Variants in RAD52 observed in about 807,000 individuals in gnomAD.
RAD52 encodes the protein DNA repair protein RAD52 homolog.
In RAD52, 47 loss-of-function variants were observed where a neutral mutation model predicts 55.5. That is an observed-to-expected ratio of 0.85 (90% confidence interval 0.67 to 1.08). RAD52 has a LOEUF of 1.08. Among genes scored for constraint, RAD52 ranks in the 50% least tolerant of loss-of-function variants. RAD52 has a pLI of 0.00. For synonymous variants in RAD52, 184 were observed against 198.9 expected (o/e 0.92, Z 0.63); for missense variants, 468 against 522.8 (o/e 0.90, Z 1.02).
At chr12:970,340 A>AAAAAT in intron 1 of RAD52, among the ~76,000 whole-genome samples, 1 of 151,242 alleles carries the variant, frequency 6.6e-6, no homozygotes, top group Non-Finnish European at 1.5e-5. Flanking sequence ...AAAAAAAAAA[A>AAAAAT]AGTCATAATT....
At chr12:981,309 G>C (rs1318320238) in intron 1 of RAD52, among the ~76,000 whole-genome samples, 2 of 152,072 alleles carry the variant, frequency 1.3e-5, no homozygotes, top group African/African-American at 2.4e-5. Context: ...CTCCAGCCTG[G>C]GTGACAGAGT....
chr12:942,539 G>T (rs1957973867), intron 1 of RAD52, among the ~76,000 whole-genome samples: 1 of 152,146 alleles, frequency 6.6e-6, no homozygotes, highest in African/African-American at 2.4e-5. Flanking sequence ...ACAAGGTCAA[G>T]AGTTCAAGAC....
chr12:928,898 C>CT (rs1210376490), intron 5 of RAD52, among the ~76,000 whole-genome samples: 2 of 152,158 alleles, frequency 1.3e-5, no homozygotes, highest in Non-Finnish European at 2.9e-5. Flanking sequence ...TAAAACTTTT[C>CT]TTTTTTTCCA....
At chr12:989,617 AT>A (rs1959150944) in intron 1 of RAD52, among the ~76,000 whole-genome samples, 1 of 152,250 alleles carries the variant, frequency 6.6e-6, no homozygotes, top group Non-Finnish European at 1.5e-5. Context: ...CGTGTATAAC[AT>A]AGCGCTTAGC....
At chr12:990,853 C>T (rs2154122957), upstream of RAD52, among the ~76,000 whole-genome samples, 1 of 152,056 alleles carries the variant, frequency 6.6e-6, no homozygotes, top group African/African-American at 2.4e-5. Context: ...CGTCCACTTC[C>T]TACGGCAAGC....
rs541422001 is a variant in RAD52, at chr12:918,733, G to T, written c.544-1913C>A. Among the ~76,000 whole-genome samples the T allele has an allele frequency of 4.6e-5, 7 of 152,044 alleles. No individual in the cohort carries two copies. In the East Asian group the frequency reaches 9.7e-4, roughly 21 times the overall value. The stretch of plus-strand genomic sequence containing the variant: ...CAATCTGTGTTGTTAAAAGCGGTTT[G>T]CTCAGAGTGGGAAGGAGGGCAGGGG... On this transcript the variant is annotated intron_variant, in intron 7 of 11. Coordinates refer to ENST00000358495, the MANE Select transcript of RAD52 (RefSeq NM_134424.4).
chr12:947,309 A>G (rs1958285701), intron 1 of RAD52, among the ~76,000 whole-genome samples: 1 of 143,598 alleles, frequency 7.0e-6, no homozygotes, highest in Non-Finnish European at 1.5e-5. Flanking sequence ...CTGGGCAACA[A>G]GAGCGAAACT....
chr12:933,734 C>T (rs1957460595), intron 1 of RAD52, among the ~76,000 whole-genome samples: 1 of 151,996 alleles, frequency 6.6e-6, no homozygotes, highest in Non-Finnish European at 1.5e-5. Context: ...AAAAAATGTA[C>T]TATAGGTGGA....
intron 7 of RAD52, among the ~76,000 whole-genome samples, chr12:921,420 A>G (rs951417498): frequency 1.3e-5 from 2 of 152,158 alleles, no homozygotes; most frequent in African/African-American, 4.8e-5. Context: ...CAGCCTGGGC[A>G]ACACGGTAAA....
intron 1 of RAD52, among the ~76,000 whole-genome samples, chr12:972,856 G>A (rs999493292): frequency 6.6e-6 from 1 of 151,906 alleles, no homozygotes; most frequent in African/African-American, 2.4e-5. Context: ...GGGGCAACTG[G>A]AGCAGAATGA....
At position 913,063 on chromosome 12, in the gene RAD52, A is replaced by ATC. The variant is rs1956181147; in HGVS notation, c.*327_*328insGA. 1 of 208,182 alleles carries ATC rather than the reference A, an allele frequency of 4.8e-6. No homozygotes were observed. Among genetic ancestry groups the ATC allele is most frequent in the Admixed American group, 8.8e-5 (1 of 11,310 alleles). The allele number at this position is 208,182 out of a possible 1,614,324, so 12.9% of individuals were successfully genotyped here. A position where few individuals can be genotyped will look rare whatever the true frequency, so the allele number is the denominator to read the frequency against. Reference sequence around the variant, plus strand: ...GACCAAGTCTGGCCTATATTGCTTGAGGGCAAGGAGCCATTGGTGATTCCT... The same window carrying ATC: ...GACCAAGTCTGGCCTATATTGCTTGATCGGGCAAGGAGCCATTGGTGATTCCT... On this transcript the variant is annotated 3_prime_UTR_variant, in exon 12 of 12. Coordinates refer to ENST00000358495, the MANE Select transcript of RAD52 (RefSeq NM_134424.4).
At chr12:965,941 C>T (rs1027030359) in intron 1 of RAD52, among the ~76,000 whole-genome samples, 2 of 151,942 alleles carry the variant, frequency 1.3e-5, no homozygotes, top group African/African-American at 2.4e-5. Flanking sequence ...GCCTTGGCCT[C>T]CCAAAGTGCT....
intron 1 of RAD52, among the ~76,000 whole-genome samples, chr12:985,886 C>T (rs1245145971): frequency 4.6e-5 from 7 of 151,556 alleles, no homozygotes; most frequent in African/African-American, 1.7e-4. Flanking sequence ...GTGATCCACC[C>T]GCCTTGGCCT....
intron 1 of RAD52, among the ~76,000 whole-genome samples, chr12:970,893 A>G (rs569895509): frequency 7.3e-6 from 1 of 136,064 alleles, no homozygotes; most frequent in South Asian, 2.1e-4. Flanking sequence ...CCAAATACAT[A>G]TATTTTGAAC....
chr12:952,279 T>G (rs1481455479), upstream of RAD52, among the ~76,000 whole-genome samples: 1 of 152,234 alleles, frequency 6.6e-6, no homozygotes, highest in South Asian at 2.1e-4. Flanking sequence ...AAAAAATTTT[T>G]TTTAGAGAGG....
intron 1 of RAD52, among the ~76,000 whole-genome samples, chr12:969,810 T>C (rs1028689321): frequency 1.3e-5 from 2 of 151,542 alleles, no homozygotes; most frequent in Non-Finnish European, 2.9e-5. Context: ...AAAAAGATTT[T>C]AGTATGTGTA....
At chr12:942,170 G>A (rs1486951025) in intron 1 of RAD52, among the ~76,000 whole-genome samples, 1 of 152,028 alleles carries the variant, frequency 6.6e-6, no homozygotes, top group African/African-American at 2.4e-5. Context: ...CAACAAAATT[G>A]GAAGACCTAC....
intron 1 of RAD52, among the ~76,000 whole-genome samples, chr12:947,507 G>A (rs1028165959): frequency 8.9e-5 from 13 of 146,406 alleles, no homozygotes; most frequent in South Asian, 2.2e-4. Flanking sequence ...AAATTAGCCT[G>A]GCATAGTGGC....
upstream of RAD52, among the ~76,000 whole-genome samples, chr12:951,148 T>C (rs1410016451): frequency 6.6e-6 from 1 of 152,210 alleles, no homozygotes; most frequent in Non-Finnish European, 1.5e-5. Flanking sequence ...GCTATCAAGC[T>C]GTTGCCCAGA....
Sources: gnomAD v4.1 joint callset for allele counts (sites outside exome capture counted in the v4.1 genomes callset) on GRCh38, gnomAD v4.1.1 for gene constraint, MANE v1.5 for transcripts, NCBI Gene and HGNC (gene_info 2026-07-23, HGNC 2026-07-21) for gene names.